MED24: variants seen among roughly 807,000 people sequenced by gnomAD.
The protein encoded by MED24 is mediator of RNA polymerase II transcription subunit 24.
MED24 carries 74 observed loss-of-function variants against 118.8 expected under a neutral mutation model. The ratio of observed to expected loss-of-function variants is 0.62; its 90% CI spans 0.52 to 0.76. MED24 has a LOEUF of 0.76. MED24 is among the 30% of genes least tolerant of loss of function. The pLI is 0.00. For missense variants in MED24, 1,041 were observed against 1,278.9 expected (o/e 0.81, Z 2.84); for synonymous variants, 521 against 523.9 (o/e 0.99, Z 0.08).
intron 19 of MED24, among the ~76,000 whole-genome samples, chr17:40,024,822 G>T (rs1399113314): frequency 6.6e-6 from 1 of 151,988 alleles, no homozygotes; most frequent in African/African-American, 2.4e-5. Flanking sequence ...TGCAACCTCC[G>T]CTTCCTGGGT....
intron 10 of MED24, 150 bp downstream of exon 10, chr17:40,031,893 C>T: frequency 1.1e-6 from 1 of 944,156 alleles, no homozygotes; most frequent in Non-Finnish European, 1.6e-6. Flanking sequence ...CATGCTGAAG[C>T]ATGCACATTG....
chr17:40,053,781 A>G (rs1986075660), intron 1 of MED24, 146 bp from the exon 2 acceptor site: 2 of 1,060,544 alleles, frequency 1.9e-6, no homozygotes, highest in Non-Finnish European at 2.7e-6. Flanking sequence ...AAAGGGATAA[A>G]GTAAGATCCT....
intron 16 of MED24, 32 bp downstream of exon 16, chr17:40,027,351 G>A (rs1170692376): frequency 1.3e-6 from 2 of 1,598,912 alleles, no homozygotes; most frequent in Admixed American, 1.7e-5. Flanking sequence ...TCCTTCCCTT[G>A]AGCCCCCGTC....
chr17:40,032,526 G>A, intron 9 of MED24, 123 bp downstream of exon 9: 1 of 701,410 alleles, frequency 1.4e-6, no homozygotes, highest in Non-Finnish European at 2.4e-6. Flanking sequence ...AACTTGCACT[G>A]GAATACCTGG....
At chr17:40,053,675 A>T in intron 1 of MED24, 40 bp from the exon 2 acceptor site, 1 of 1,609,970 alleles carries the variant, frequency 6.2e-7, no homozygotes. Context: ...AAAGGACATG[A>T]GGTTCTAAGG....
At chr17:40,020,125 G>C (rs1598327453) in intron 24 of MED24, 148 bp downstream of exon 24, 1 of 1,029,104 alleles carries the variant, frequency 9.7e-7, no homozygotes, top group East Asian at 2.6e-5. Context: ...GGAGCCTGGG[G>C]GCCAGGACAG....
intron 3 of MED24, among the ~76,000 whole-genome samples, chr17:40,046,245 C>G (rs890658014): frequency 1.1e-4 from 16 of 148,036 alleles, no homozygotes; most frequent in African/African-American, 3.5e-4. Flanking sequence ...CCACCACGCC[C>G]GGCTAATTTT....
At chr17:40,044,848 C>T (rs903990728) in intron 3 of MED24, among the ~76,000 whole-genome samples, 1 of 149,238 alleles carries the variant, frequency 6.7e-6, no homozygotes, top group Non-Finnish European at 1.5e-5. Context: ...CACTGCACTC[C>T]AGCCTGGGCG....
chr17:40,053,367 CTCTAGTAACGCA>C lies in MED24; in HGVS notation c.132_143del (p.Asp44_Leu47del), dbSNP rs1411316404. On this transcript the variant is annotated inframe_deletion and splice_region_variant, in exon 3 of 26. Coordinates refer to ENST00000394128, the MANE Select transcript of MED24 (RefSeq NM_014815.4). ...TGGGGGATGGTCCAATCATGGCCTG[CTCTAGTAACGCA>C]TCTGCAAGAGGAATAGCAAAACACA... 1.2e-6 allele frequency: 2 copies of C among 1,613,270 alleles called. No homozygotes were observed. The highest frequency in any genetic ancestry group is 2.7e-5 in the African/African-American group (2 of 74,906).
intron 4 of MED24, 145 bp downstream of exon 4, chr17:40,035,971 C>A: frequency 8.9e-7 from 1 of 1,123,232 alleles, no homozygotes; most frequent in Non-Finnish European, 1.3e-6. Flanking sequence ...TTGCCAGGAT[C>A]CCCCTCCCAT....
At chr17:40,023,004 G>A (rs1462121096) in intron 20 of MED24, 127 bp downstream of exon 20, 1 of 1,394,460 alleles carries the variant, frequency 7.2e-7, no homozygotes, top group African/African-American at 1.4e-5. Flanking sequence ...GCAACTCTGA[G>A]GCGAGGCATT....
rs34089076 is a variant in MED24 at position 40,030,662 on chromosome 17, AT to A, written c.1154+496del. ...GAAGATTCAGGATTTTTATTTATTTATTTATTTTTTTTTTGAGACAAGGTCT... is the reference window on the plus strand; with the variant it reads ...GAAGATTCAGGATTTTTATTTATTTATTATTTTTTTTTTGAGACAAGGTCT... On this transcript the variant is annotated intron_variant, in intron 12 of 25. Coordinates refer to ENST00000394128, the MANE Select transcript of MED24 (RefSeq NM_014815.4). Among the ~76,000 whole-genome samples the A allele has an allele frequency of 1.0e-3, 74 of 73,984 alleles. 1 individual carries two copies. In the South Asian group the frequency reaches 0.011, roughly 11 times the overall value. 48.5% of individuals were successfully genotyped at this position (73,984 alleles called of 152,430 possible).
intron 3 of MED24, among the ~76,000 whole-genome samples, chr17:40,050,991 C>T (rs1227124350): frequency 6.6e-6 from 1 of 152,056 alleles, no homozygotes; most frequent in Non-Finnish European, 1.5e-5. Flanking sequence ...ACAAAATTAG[C>T]CGGGTGTAAT....
chr17:40,031,304 G>C, intron 11 of MED24, 59 bp from the exon 12 acceptor site: 1 of 1,469,318 alleles, frequency 6.8e-7, no homozygotes, highest in Admixed American at 2.0e-5. Context: ...TGAGGGGTGG[G>C]AGTGGCAGGT....
chr17:40,047,701 C>CA lies in MED24; in HGVS notation c.213+5596dup, dbSNP rs111344904. ...AAAAACAAAAAACAAAAAACAACAA[C>CA]AAAAAAAAAACCCTGACTGAATTGA... On this transcript the variant is annotated intron_variant, in intron 3 of 25. Transcript: ENST00000394128. 8.4e-4 allele frequency among the ~76,000 whole-genome samples: 124 copies of CA among 147,322 alleles called. 1 individual carries two copies. The highest frequency in any genetic ancestry group is 9.5e-4 in the Admixed American group (14 of 14,692).
At chr17:40,051,381 C>T (rs1228654629) in intron 3 of MED24, among the ~76,000 whole-genome samples, 6 of 151,864 alleles carry the variant, frequency 4.0e-5, no homozygotes, top group South Asian at 2.1e-4. Flanking sequence ...TTTGGGAGGC[C>T]GAGGCGGAAG....
chr17:40,035,760 T>C lies in MED24; in HGVS notation c.288A>G (p.Ala96=), dbSNP rs750541104. 1.9e-6 allele frequency: 3 copies of C among 1,614,124 alleles called. No individual in the cohort carries two copies. Among genetic ancestry groups the C allele is most frequent in the South Asian group, 2.2e-5 (2 of 91,086 alleles). ...DDFSRDLCVQ[A]LLDIMDMFCD... ...AAAACATGTCCATGATGTCCAGCAA[T>C]GCCTGGACACACAGGTCCCGAGAAA... Residue 96 remains alanine (A), a synonymous_variant, in exon 5 of 26, where the codon GCA becomes GCG. Transcript: ENST00000394128.
At position 40,031,590 on chromosome 17, in the gene MED24, C is replaced by T; in HGVS notation, c.1015G>A (p.Glu339Lys). ...DFTEDVNCAFEFLLKLTPLLD... is the reference protein window; with the variant it reads ...DFTEDVNCAFKFLLKLTPLLD... ...AAGGGGGTGAGCTTCAGCAGGAACT[C>T]AAAAGCACAGTTGACATCCTCAGTG... is the stretch of plus-strand genomic sequence containing the variant. Residue 339 changes from glutamate to lysine, a missense_variant, in exon 11 of 26, where the codon GAG becomes AAG. By Grantham distance (56) the Glu-to-Lys change is moderately conservative (BLOSUM62 1). Around this residue, in one of 3 missense-constraint regions of MED24, gnomAD observed 434 missense variants for 514.9 expected, o/e 0.84. Transcript: ENST00000394128. 6.2e-7 allele frequency: 1 copy of T among 1,614,150 alleles called. No homozygotes were observed. Among genetic ancestry groups the T allele is most frequent in the Non-Finnish European group, 8.5e-7 (1 of 1,180,014 alleles).
At position 40,023,245 on chromosome 17, in the gene MED24, C is replaced by T. The variant is rs149981912; in HGVS notation, c.2136G>A (p.Thr712=). 2.9e-5 allele frequency: 47 copies of T among 1,614,174 alleles called. No homozygotes were observed. In the African/African-American group the frequency reaches 4.8e-4, roughly 16 times the overall value. ...PPKRPIKEVL[T]DIFAKVLEKG... ...TCTCCAGCACCTTGGCAAAAATGTC[C>T]GTCAGCACCTCTTTGATGGGCCGCT... The change falls in exon 20 of 26, where the codon ACG becomes ACA. Residue 712 remains threonine, a synonymous_variant. Transcript: ENST00000394128.
Sources: gnomAD v4.1 joint callset for allele counts (sites outside exome capture counted in the v4.1 genomes callset) on GRCh38, gnomAD v4.1.1 for gene constraint, gnomAD v4.1.1 regional missense constraint, MANE v1.5 for transcripts, NCBI Gene and HGNC (gene_info 2026-07-23, HGNC 2026-07-21) for gene names.